The following RGL1 variants were observed in gnomAD, a reference collection of about 807,000 sequenced individuals.
RGL1 encodes the protein ral guanine nucleotide dissociation stimulator-like 1.
In RGL1, 24 loss-of-function variants were observed where a neutral mutation model predicts 95.2. That is an observed-to-expected ratio of 0.25 (90% CI 0.18 to 0.35). The LOEUF (loss-of-function observed/expected upper bound fraction) is 0.35, where lower values mean the gene tolerates loss of function less well. Among genes scored for constraint, RGL1 ranks in the 10% least tolerant of loss-of-function variants. The pLI is 1.00. For synonymous variants in RGL1, 329 were observed against 344.9 expected (o/e 0.95, Z 0.51); for missense variants, 715 against 936.3 (o/e 0.76, Z 3.08).
At chr1:183,866,510 T>TG in intron 4 of RGL1, among the ~76,000 whole-genome samples, 1 of 152,282 alleles carries the variant, frequency 6.6e-6, no homozygotes, top group Middle Eastern at 3.4e-3. Flanking sequence ...CCCTGAGCCT[T>TG]GCAAATAGCC....
chr1:183,695,969 G>A (rs983983330), intron 1 of RGL1, among the ~76,000 whole-genome samples: 1 of 152,084 alleles, frequency 6.6e-6, no homozygotes, highest in Admixed American at 6.6e-5. Flanking sequence ...TATTCAATCT[G>A]ATTGAATCAG....
intron 2 of RGL1, among the ~76,000 whole-genome samples, chr1:183,829,534 T>C (rs1663111679): frequency 6.6e-6 from 1 of 152,212 alleles, no homozygotes; most frequent in Non-Finnish European, 1.5e-5. Context: ...GTGAATCTTT[T>C]CTTTTTTTCA....
At chr1:183,844,421 T>C (rs1384140426) in intron 2 of RGL1, among the ~76,000 whole-genome samples, 1 of 152,218 alleles carries the variant, frequency 6.6e-6, no homozygotes, top group African/African-American at 2.4e-5. Context: ...TGCAAGATGC[T>C]CTCAGACTAA....
chr1:183,659,220 G>T (rs556618098), intron 1 of RGL1, among the ~76,000 whole-genome samples: 3 of 152,236 alleles, frequency 2.0e-5, no homozygotes, highest in Admixed American at 6.5e-5. Context: ...TGACTTTGAC[G>T]AATTGAGAGA....
At chr1:183,835,704 C>A (rs935919800) in intron 2 of RGL1, among the ~76,000 whole-genome samples, 2 of 152,100 alleles carry the variant, frequency 1.3e-5, no homozygotes, top group Non-Finnish European at 2.9e-5. Context: ...AGAGATAATA[C>A]CAGATGTAAT....
At chr1:183,650,975 C>T (rs1040107932) in intron 1 of RGL1, among the ~76,000 whole-genome samples, 23 of 151,888 alleles carry the variant, frequency 1.5e-4, no homozygotes, top group African/African-American at 5.1e-4. Context: ...CTATTTTTTG[C>T]GTGAAGTTTT....
At chr1:183,849,483 G>GTTTTTTTTTTTTTTTTTTTTTTTTTT (rs1418103960) in intron 3 of RGL1, among the ~76,000 whole-genome samples, 4 of 120,850 alleles carry the variant, frequency 3.3e-5, no homozygotes, top group African/African-American at 9.7e-5. Context: ...CCAGTTTTTA[G>GTTTTTTTTTTTTTTTTTTTTTTTTTT]TTTTTTTTTT....
At chr1:183,648,234 C>T (rs377221716) in intron 1 of RGL1, 19 of 1,614,070 alleles carry the variant, frequency 1.2e-5, no homozygotes, top group African/African-American at 8.0e-5. Flanking sequence ...CAAAACAACC[C>T]GCGGCCATAA....
chr1:183,880,390 A>G (rs1666758051), intron 4 of RGL1, among the ~76,000 whole-genome samples: 1 of 151,358 alleles, frequency 6.6e-6, no homozygotes. Context: ...ACAACAACAA[A>G]AAACCTTATC....
chr1:183,661,226 A>C (rs1164110443), intron 1 of RGL1, among the ~76,000 whole-genome samples: 1 of 152,234 alleles, frequency 6.6e-6, no homozygotes, highest in Admixed American at 6.5e-5. Flanking sequence ...GCTGAAGGAA[A>C]TAGAGACACA....
At chr1:183,835,023 C>T (rs903637649) in intron 2 of RGL1, among the ~76,000 whole-genome samples, 1 of 152,034 alleles carries the variant, frequency 6.6e-6, no homozygotes, top group Admixed American at 6.6e-5. Context: ...ATACCAAGAG[C>T]GGGTCACAAG....
rs143680564 is a variant in RGL1, at chr1:183,806,432, C to G, written c.85C>G (p.Leu29Val). The G allele has an allele frequency of 1.2e-6, 2 of 1,613,920 alleles. No homozygotes were observed. Among genetic ancestry groups the G allele is most frequent in the African/African-American group, 2.7e-5 (2 of 74,882 alleles). The change falls in exon 2 of 18, where the codon CTC (leucine) becomes GTC (valine). Residue 29 changes from leucine to valine, a missense_variant. Physicochemically the swap from Leu to Val is conservative, Grantham distance 32. Around this residue, in one of 3 missense-constraint regions of RGL1, gnomAD observed 381 missense variants for 484.8 expected, o/e 0.79. Coordinates refer to ENST00000360851, the MANE Select transcript of RGL1 (RefSeq NM_001297671.3). ...VEEGAVYHVTLKRVQIQQAAN... is the reference protein window; with the variant it reads ...VEEGAVYHVTVKRVQIQQAAN... Reference sequence around the variant, plus strand: ...GGAAGGAGCTGTTTACCATGTCACCCTCAAAAGAGTCCAGATTCAACAGGC... The same window carrying G: ...GGAAGGAGCTGTTTACCATGTCACCGTCAAAAGAGTCCAGATTCAACAGGC...
rs372463410 is a variant in RGL1 at position 183,658,343 on chromosome 1, T to C, written c.-33+21842T>C. On this transcript the variant is annotated intron_variant, in intron 1 of 18. Coordinates refer to the RGL1 transcript ENST00000304685. ...GACAGAGGGCACCTGGAAAATCAGG[T>C]CACTCCCACCCCAATACAGCACTTT... 3.3e-5 allele frequency among the ~76,000 whole-genome samples: 5 copies of C among 152,168 alleles called. No homozygotes were observed. In the East Asian group the frequency reaches 5.8e-4, roughly 18 times the overall value.
At chr1:183,777,719 C>T (rs1659671751) in intron 2 of RGL1, among the ~76,000 whole-genome samples, 1 of 152,184 alleles carries the variant, frequency 6.6e-6, no homozygotes, top group South Asian at 2.1e-4. Context: ...TTGGTTTTTA[C>T]AATTATCTAA....
chr1:183,848,066 A>G (rs1024324346), intron 3 of RGL1, among the ~76,000 whole-genome samples: 6 of 152,180 alleles, frequency 3.9e-5, no homozygotes, highest in Non-Finnish European at 7.4e-5. Flanking sequence ...AAATTTCTCC[A>G]TATTTTTATA....
upstream of RGL1, among the ~76,000 whole-genome samples, chr1:183,803,303 T>A (rs192529450): frequency 1.0e-3 from 156 of 152,348 alleles, no homozygotes; most frequent in African/African-American, 3.5e-3. Context: ...TTGGATCACT[T>A]ACCATGTGCT....
intron 1 of RGL1, among the ~76,000 whole-genome samples, chr1:183,676,104 A>G (rs903724318): frequency 6.6e-6 from 1 of 152,172 alleles, no homozygotes; most frequent in Non-Finnish European, 1.5e-5. Flanking sequence ...CTGTGATTGC[A>G]CTGCTGCACT....
chr1:183,649,164 G>C (rs1295743383), intron 1 of RGL1, among the ~76,000 whole-genome samples: 5 of 152,212 alleles, frequency 3.3e-5, no homozygotes, highest in Non-Finnish European at 7.3e-5. Context: ...GGGAGCCACA[G>C]ATTCCTTGTC....
chr1:183,680,524 C>T (rs552249405), intron 1 of RGL1, among the ~76,000 whole-genome samples: 1 of 152,056 alleles, frequency 6.6e-6, no homozygotes, highest in Non-Finnish European at 1.5e-5. Flanking sequence ...CTGTTCTGTT[C>T]CATTGGTCTA....
Sources: gnomAD v4.1 joint callset for allele counts (sites outside exome capture counted in the v4.1 genomes callset) on GRCh38, gnomAD v4.1.1 for gene constraint, gnomAD v4.1.1 regional missense constraint, MANE v1.5 for transcripts, NCBI Gene and HGNC (gene_info 2026-07-23, HGNC 2026-07-21) for gene names.